Variants in SBF2 observed in about 807,000 individuals in gnomAD.
SBF2 encodes the protein myotubularin-related protein 13.
Under a neutral mutation model 225.2 loss-of-function variants are expected in SBF2, and 112 were observed. The observed-to-expected ratio is 0.50, with a 90% CI of 0.43 to 0.58. The LOEUF (loss-of-function observed/expected upper bound fraction) is 0.58. Ranked by LOEUF, SBF2 falls within the 20% of genes least tolerant of loss-of-function variation. SBF2 has a pLI of 0.00. For missense variants in SBF2, 1,996 were observed against 2,206.2 expected (o/e 0.90, Z 1.91); for synonymous variants, 763 against 773.3 (o/e 0.99, Z 0.22).
chr11:10,149,401 T>C (rs1315415906), intron 2 of SBF2: 1 of 152,198 alleles, frequency 6.6e-6, no homozygotes, highest in Non-Finnish European at 1.5e-5. Context: ...GTTATTATTT[T>C]CTTTCACTCC....
In SBF2 at chr11:9,790,599, C is replaced by T; in HGVS notation, c.4655G>A (p.Ser1552Asn). ...ATATAAATAATTAAAGAAAATGGGACTCCTCTTGTGCATTCTGTCAATACA... is the reference window on the plus strand; with the variant it reads ...ATATAAATAATTAAAGAAAATGGGATTCCTCTTGTGCATTCTGTCAATACA... ...WECIDRMHKRSPIFFNYLYSP... is the reference protein window; with the variant it reads ...WECIDRMHKRNPIFFNYLYSP... Residue 1552 changes from serine (S) to asparagine (N), a missense_variant, in exon 34 of 40, where the codon AGT becomes AAT. By Grantham distance (46) the Ser-to-Asn change is conservative. Coordinates refer to ENST00000256190, the MANE Select transcript of SBF2 (RefSeq NM_030962.4). 1 of 1,587,828 alleles carries T rather than the reference C, an allele frequency of 6.3e-7. No individual in the cohort carries two copies. Among genetic ancestry groups the T allele is most frequent in the Non-Finnish European group, 8.6e-7 (1 of 1,157,614 alleles).
At chr11:9,987,232 T>C (rs1028264530) in intron 13 of SBF2, among the ~76,000 whole-genome samples, 3 of 152,196 alleles carry the variant, frequency 2.0e-5, no homozygotes, top group Non-Finnish European at 4.4e-5. Flanking sequence ...CATCCCTTTA[T>C]GATTAAAGCT....
At chr11:10,295,295 G>T (rs981214452), upstream of SBF2, among the ~76,000 whole-genome samples, 35 of 152,144 alleles carry the variant, frequency 2.3e-4, no homozygotes, top group Non-Finnish European at 4.3e-4. Flanking sequence ...TTTTAAATGA[G>T]TAAATGTGCG....
Position 10,031,161 on chromosome 11 carries a change from T to A in SBF2, c.289A>T (p.Lys97Ter). The A allele has an allele frequency of 6.2e-7, 1 of 1,613,426 alleles. No individual in the cohort carries two copies. Among genetic ancestry groups the A allele is most frequent in the Non-Finnish European group, 8.5e-7 (1 of 1,179,612 alleles). ...TTTGCTTCACCTTCAATCTCTTCCTTCTTTGTTCCCTAGAAAAAGAGACAC... is the reference window on the plus strand; with the variant it reads ...TTTGCTTCACCTTCAATCTCTTCCTACTTTGTTCCCTAGAAAAAGAGACAC... ...EAEINLQGTK[K>*]EEIEGEAKVS... is the part of the protein sequence containing the mutation. The change falls in exon 4 of 40, where the codon AAG (lysine) becomes TAG (stop). Residue 97 changes from lysine to a stop codon, truncating the protein, a stop_gained. Transcript: ENST00000256190. LOFTEE classifies it high-confidence loss of function.
At chr11:10,082,171 A>G (rs1216456308) in intron 2 of SBF2, among the ~76,000 whole-genome samples, 1 of 152,182 alleles carries the variant, frequency 6.6e-6, no homozygotes. Flanking sequence ...ACCTCCCAAG[A>G]CTGAACCAGA....
intron 3 of SBF2, among the ~76,000 whole-genome samples, chr11:10,032,604 C>G (rs893783719): frequency 1.3e-5 from 2 of 152,184 alleles, no homozygotes; most frequent in African/African-American, 4.8e-5. Flanking sequence ...CTGCAATGCC[C>G]TAACACTCTC....
intron 1 of SBF2, among the ~76,000 whole-genome samples, chr11:10,247,396 T>C (rs1959904530): frequency 6.6e-6 from 1 of 151,842 alleles, no homozygotes. Flanking sequence ...AAAACAACAA[T>C]CAGGCTGGGC....
chr11:9,875,959 A>AT (rs35451800), intron 17 of SBF2, among the ~76,000 whole-genome samples: 50,603 of 149,216 alleles, frequency 0.34, 9,751 homozygotes, highest in African/African-American at 0.52. Context: ...AACCTCAGAG[A>AT]TTTTTTTTTT....
At chr11:9,899,659 G>A (rs1861561911) in intron 16 of SBF2, among the ~76,000 whole-genome samples, 1 of 152,104 alleles carries the variant, frequency 6.6e-6, no homozygotes, top group East Asian at 1.9e-4. Context: ...AAACTCCAAT[G>A]GAGGAGAGAG....
chr11:10,108,634 C>T (rs994569780), intron 2 of SBF2, among the ~76,000 whole-genome samples: 1 of 148,428 alleles, frequency 6.7e-6, no homozygotes, highest in African/African-American at 2.5e-5. Flanking sequence ...ATGCCATTCT[C>T]CTGCCTCAGC....
chr11:10,278,392 A>C (rs1384856191), intron 1 of SBF2, among the ~76,000 whole-genome samples: 1 of 152,226 alleles, frequency 6.6e-6, no homozygotes, highest in East Asian at 1.9e-4. Context: ...CAACTGCATA[A>C]CCAACCCCAA....
chr11:9,795,463 G>A (rs971781078), intron 33 of SBF2, among the ~76,000 whole-genome samples: 5 of 152,150 alleles, frequency 3.3e-5, no homozygotes, highest in East Asian at 1.9e-4. Context: ...GGTCTGTTTC[G>A]TCTAGAGCAC....
intron 13 of SBF2, among the ~76,000 whole-genome samples, chr11:9,979,369 T>C (rs1236471007): frequency 6.6e-6 from 1 of 152,198 alleles, no homozygotes; most frequent in Non-Finnish European, 1.5e-5. Context: ...AAGCAGTATG[T>C]TTATACATGA....
chr11:10,045,480 A>C (rs12360854), intron 2 of SBF2, among the ~76,000 whole-genome samples: 2 of 151,994 alleles, frequency 1.3e-5, no homozygotes, highest in African/African-American at 2.4e-5. Context: ...TGCTTTTCAA[A>C]AACCAAGGTA....
At position 10,100,636 on chromosome 11, in the gene SBF2, G is replaced by A. The variant is rs528785288; in HGVS notation, c.142-57655C>T. ...CTTATAGCTGTAGCCCCACTATGAG[G>A]TATCTGGTTTGGTGAGTATCCTAGG... On this transcript the variant is annotated intron_variant, in intron 2 of 39. Transcript: ENST00000256190. Among the ~76,000 whole-genome samples the A allele has an allele frequency of 5.3e-5, 8 of 152,208 alleles. No homozygotes were observed. In the South Asian group the frequency reaches 1.2e-3, roughly 24 times the overall value.
intron 34 of SBF2, among the ~76,000 whole-genome samples, chr11:9,789,996 A>G (rs1005658693): frequency 6.6e-6 from 1 of 152,200 alleles, no homozygotes; most frequent in African/African-American, 2.4e-5. Flanking sequence ...CTAGGGTTCT[A>G]TGATTGGGGC....
At chr11:9,862,233 G>C (rs1186523250) in intron 17 of SBF2, among the ~76,000 whole-genome samples, 1 of 152,130 alleles carries the variant, frequency 6.6e-6, no homozygotes, top group East Asian at 1.9e-4. Context: ...TGCTTTGTCT[G>C]GTCAACCACA....
At chr11:9,895,897 T>C in intron 17 of SBF2, 46 bp downstream of exon 17, 1 of 1,375,364 alleles carries the variant, frequency 7.3e-7, no homozygotes, top group Non-Finnish European at 1.0e-6. Context: ...ACTGAATACA[T>C]TTATGTAAAT....
At chr11:10,293,066 G>A (rs1278249532) in intron 1 of SBF2, among the ~76,000 whole-genome samples, 1 of 152,162 alleles carries the variant, frequency 6.6e-6, no homozygotes, top group Non-Finnish European at 1.5e-5. Flanking sequence ...AAAATGAAGG[G>A]GCTGTAGAGC....
Sources: allele counts gnomAD v4.1 joint callset (sites outside exome capture counted in the v4.1 genomes callset), GRCh38; gene constraint gnomAD v4.1.1; transcripts MANE v1.5; gene names NCBI Gene and HGNC (gene_info 2026-07-23, HGNC 2026-07-21).